Variants in ATP8B4 observed in about 807,000 individuals in gnomAD.
The protein encoded by ATP8B4 is ATPase phospholipid transporting 8B4 (putative).
ATP8B4 carries 133 observed loss-of-function variants against 145.6 expected under a neutral mutation model. The observed-to-expected ratio is 0.91, with a 90% CI of 0.79 to 1.05. ATP8B4 has a LOEUF of 1.05. Among genes scored for constraint, ATP8B4 ranks in the 50% least tolerant of loss-of-function variants. The probability of loss-of-function intolerance (pLI) is 0.00; values close to 1 mark genes in which losing one functional copy is unlikely to be tolerated. For synonymous variants in ATP8B4, 507 were observed against 492.9 expected (o/e 1.03, Z -0.38); for missense variants, 1,458 against 1,425.2 (o/e 1.02, Z -0.37).
chr15:49,948,532 A>G (rs1198067109), intron 14 of ATP8B4, among the ~76,000 whole-genome samples: 2 of 152,174 alleles, frequency 1.3e-5, no homozygotes, highest in South Asian at 2.1e-4. Flanking sequence ...TGCAGATCAT[A>G]TATCTGATAA....
intron 10 of ATP8B4, among the ~76,000 whole-genome samples, chr15:49,985,992 G>C (rs1244903695): frequency 6.6e-6 from 1 of 152,120 alleles, no homozygotes; most frequent in Non-Finnish European, 1.5e-5. Context: ...TCCAAACTCA[G>C]GTCTGCCCAA....
chr15:49,979,908 C>T (rs1194860691), intron 11 of ATP8B4, 95 bp from the exon 12 acceptor site: 1 of 873,530 alleles, frequency 1.1e-6, no homozygotes, highest in African/African-American at 1.7e-5. Context: ...AAGAAATAGT[C>T]ATTTGAAAAG....
intron 6 of ATP8B4, among the ~76,000 whole-genome samples, chr15:50,035,488 C>T (rs1250852708): frequency 6.6e-6 from 1 of 152,156 alleles, no homozygotes; most frequent in Non-Finnish European, 1.5e-5. Context: ...TAGACTCTTA[C>T]CTGCCATGAA....
At chr15:49,944,378 A>C (rs2153480416) in intron 14 of ATP8B4, among the ~76,000 whole-genome samples, 2 of 152,316 alleles carry the variant, frequency 1.3e-5, no homozygotes, top group Middle Eastern at 6.8e-3. Context: ...GATGGAAAAA[A>C]ATATTCCATG....
intron 25 of ATP8B4, among the ~76,000 whole-genome samples, chr15:49,870,187 C>A (rs1864205542): frequency 1.3e-5 from 2 of 152,026 alleles, no homozygotes; most frequent in Admixed American, 1.3e-4. Flanking sequence ...TAAGATAGAT[C>A]TGAATGTGTT....
intron 23 of ATP8B4, among the ~76,000 whole-genome samples, chr15:49,882,409 AT>A (rs2035561845): frequency 6.6e-6 from 1 of 152,216 alleles, no homozygotes; most frequent in East Asian, 1.9e-4. Context: ...ACAAATGTCT[AT>A]CTTCGTGCAG....
At chr15:49,945,802 G>C (rs2042515289) in intron 14 of ATP8B4, among the ~76,000 whole-genome samples, 1 of 152,086 alleles carries the variant, frequency 6.6e-6, no homozygotes, top group Non-Finnish European at 1.5e-5. Flanking sequence ...ATCCATTCAT[G>C]ATTTAAAAAG....
At chr15:50,172,563 A>C (rs1393290988) in intron 1 of ATP8B4, among the ~76,000 whole-genome samples, 2 of 151,372 alleles carry the variant, frequency 1.3e-5, no homozygotes, top group Non-Finnish European at 3.0e-5. Context: ...CCCGGCCGCC[A>C]CCCCATCTGG....
intron 10 of ATP8B4, chr15:49,982,553 C>A (rs1391736720): frequency 6.6e-6 from 1 of 152,014 alleles, no homozygotes; most frequent in Non-Finnish European, 1.5e-5. Flanking sequence ...ATATTTGGTG[C>A]TGTAGGCTTA....
intron 3 of ATP8B4, among the ~76,000 whole-genome samples, chr15:50,060,365 G>A (rs760514707): frequency 7.2e-5 from 11 of 152,218 alleles, no homozygotes; most frequent in South Asian, 2.1e-4. Flanking sequence ...TCACCACAAC[G>A]AAACAACAAT....
At chr15:49,867,028 A>C (rs1395228634) in intron 25 of ATP8B4, among the ~76,000 whole-genome samples, 1 of 152,172 alleles carries the variant, frequency 6.6e-6, no homozygotes, top group Non-Finnish European at 1.5e-5. Context: ...TTTTGGCATA[A>C]AATTCAGAAA....
At position 50,050,646 on chromosome 15, in the gene ATP8B4, C is replaced by T. The variant is rs551514241; in HGVS notation, c.88-3182G>A. On this transcript the variant is annotated intron_variant, in intron 3 of 27. Coordinates refer to ENST00000284509, the MANE Select transcript of ATP8B4 (RefSeq NM_024837.4). ...TAAAAAAAAAACAGGCTAAATGCACCAAAAGAAATTTTAATTAAACCAATA... is the reference window on the plus strand; with the variant it reads ...TAAAAAAAAAACAGGCTAAATGCACTAAAAGAAATTTTAATTAAACCAATA... Among the ~76,000 whole-genome samples the T allele has an allele frequency of 4.7e-3, 701 of 150,504 alleles. 2 individuals carry two copies. The highest frequency in any genetic ancestry group is 7.1e-3 in the Non-Finnish European group (480 of 67,746).
intron 1 of ATP8B4, among the ~76,000 whole-genome samples, chr15:50,144,102 T>A (rs1367063080): frequency 2.6e-5 from 4 of 152,140 alleles, no homozygotes; most frequent in Admixed American, 2.0e-4. Context: ...ACATACTAGG[T>A]CAGGGTTGTG....
At chr15:50,045,815 G>A (rs1413564436) in intron 4 of ATP8B4, among the ~76,000 whole-genome samples, 1 of 152,052 alleles carries the variant, frequency 6.6e-6, no homozygotes, top group Non-Finnish European at 1.5e-5. Context: ...CTATGAACAA[G>A]AGCCTTTGGC....
At chr15:49,980,747 A>G (rs192486602) in intron 11 of ATP8B4, among the ~76,000 whole-genome samples, 91 of 152,340 alleles carry the variant, frequency 6.0e-4, no homozygotes, top group African/African-American at 2.0e-3. Flanking sequence ...TAAAAGTATT[A>G]AGAATTTCTA....
intron 9 of ATP8B4, among the ~76,000 whole-genome samples, chr15:49,988,517 G>A (rs753665151): frequency 6.6e-6 from 1 of 152,094 alleles, no homozygotes; most frequent in Non-Finnish European, 1.5e-5. Flanking sequence ...TCCAATCAGG[G>A]TTTGAGCCAG....
chr15:49,993,455 G>A (rs1245647195), intron 9 of ATP8B4, among the ~76,000 whole-genome samples: 6 of 151,998 alleles, frequency 3.9e-5, no homozygotes, highest in African/African-American at 1.4e-4. Context: ...GAAAACAATC[G>A]AAGGCCAAGG....
At chr15:50,100,003 C>T (rs1229970207) in intron 2 of ATP8B4, among the ~76,000 whole-genome samples, 1 of 138,954 alleles carries the variant, frequency 7.2e-6, no homozygotes, top group Non-Finnish European at 1.5e-5. Context: ...CCACTGCACT[C>T]CAGCCTGGGC....
intron 6 of ATP8B4, among the ~76,000 whole-genome samples, chr15:50,029,863 T>C (rs1349585451): frequency 6.6e-6 from 1 of 152,204 alleles, no homozygotes; most frequent in Non-Finnish European, 1.5e-5. Context: ...CTTAATTTAC[T>C]ACACACAGCA....
Sources: gnomAD v4.1 joint callset for allele counts (sites outside exome capture counted in the v4.1 genomes callset) on GRCh38, gnomAD v4.1.1 for gene constraint, MANE v1.5 for transcripts, NCBI Gene and HGNC (gene_info 2026-07-23, HGNC 2026-07-21) for gene names.